UGT1A6: variants seen among roughly 807,000 people sequenced by gnomAD.
UGT1A6 encodes UDP-glucuronosyltransferase 1A6.
A neutral mutation model predicts 44.4 loss-of-function variants in UGT1A6; 32 were observed. The observed-to-expected ratio is 0.72, with a 90% CI of 0.54 to 0.97. The LOEUF is 0.97. Ranked by LOEUF, UGT1A6 falls within the 50% of genes least tolerant of loss-of-function variation. The probability of loss-of-function intolerance (pLI) is 0.00; values close to 1 mark genes in which losing one functional copy is unlikely to be tolerated. For missense variants in UGT1A6, 685 were observed against 661.9 expected (o/e 1.03, Z -0.38); for synonymous variants, 238 against 248.5 (o/e 0.96, Z 0.40).
chr2:233,712,970 G>A, intron 1 of UGT1A6: 1 of 1,613,036 alleles, frequency 6.2e-7, no homozygotes. Flanking sequence ...TGGACAGTCA[G>A]CTGTCGGTGG....
chr2:233,712,511 T>C (rs2013018), intron 1 of UGT1A6, among the ~76,000 whole-genome samples: 15,485 of 152,220 alleles, frequency 0.1, 907 homozygotes, highest in East Asian at 0.2. Context: ...TTGTCTGCAT[T>C]TTGGATGTGC....
Position 233,772,687 on chromosome 2 carries a change from A to G in UGT1A6, c.*128A>G. 2 of 1,493,882 alleles carry G rather than the reference A, an allele frequency of 1.3e-6. No homozygotes were observed. Among genetic ancestry groups the G allele is most frequent in the South Asian group, 2.6e-5 (2 of 76,070 alleles). The allele number at this position is 1,493,882 out of a possible 1,614,324, so 92.5% of individuals were successfully genotyped here. On this transcript the variant is annotated 3_prime_UTR_variant, in exon 5 of 5. Coordinates refer to ENST00000305139, the MANE Select transcript of UGT1A6 (RefSeq NM_001072.4). ...TACTTTGCATAAATTAATCAGCCCC[A>G]GAGTGCTTTAAAAAATTCTCTTAAA...
intron 1 of UGT1A6, among the ~76,000 whole-genome samples, chr2:233,744,817 A>G (rs1304703196): frequency 6.6e-6 from 1 of 151,914 alleles, no homozygotes; most frequent in East Asian, 1.9e-4. Flanking sequence ...TTCCTGGCTC[A>G]TACTTTGAGA....
intron 1 of UGT1A6, among the ~76,000 whole-genome samples, chr2:233,732,755 G>GTTTTT (rs956485327): frequency 8.3e-6 from 1 of 120,224 alleles, no homozygotes; most frequent in African/African-American, 3.0e-5. Flanking sequence ...CACCAGCTTT[G>GTTTTT]TTTTTTTTTT....
At position 233,747,671 on chromosome 2, in the gene UGT1A6, A is replaced by C. The variant is rs1693745926; in HGVS notation, c.862-19363A>C. On this transcript the variant is annotated intron_variant, in intron 1 of 4. Coordinates refer to ENST00000305139, the MANE Select transcript of UGT1A6 (RefSeq NM_001072.4). ...CCTTCGATGTGGTTTTAATAGACCCAATTTACCTCTGTGGGGCAGTGCTGG... is the reference window on the plus strand; with the variant it reads ...CCTTCGATGTGGTTTTAATAGACCCCATTTACCTCTGTGGGGCAGTGCTGG... 13 of 1,604,740 alleles carry C rather than the reference A, an allele frequency of 8.1e-6. No homozygotes were observed. In the South Asian group the frequency reaches 1.4e-4, roughly 18 times the overall value.
intron 1 of UGT1A6, chr2:233,761,003 A>G: frequency 6.2e-7 from 1 of 1,614,128 alleles, no homozygotes. Context: ...GAATTCCTTC[A>G]GAGAGAGGTG....
chr2:233,713,360 C>A lies in UGT1A6; in HGVS notation c.861+19495C>A, dbSNP rs377457908. The stretch of plus-strand genomic sequence containing the variant: ...CAATTATGAACAATATGTCTTTGAT[C>A]ATACATAGGTCTTGTGTGGAGCTAC... On this transcript the variant is annotated intron_variant, in intron 1 of 4. Coordinates refer to ENST00000305139, the MANE Select transcript of UGT1A6 (RefSeq NM_001072.4). 1.3e-5 allele frequency: 21 copies of A among 1,614,044 alleles called. No homozygotes were observed. The African/African-American group carries it at 2.1e-4, about 16-fold the overall frequency.
chr2:233,751,986 T>A (rs1694863386), intron 1 of UGT1A6, among the ~76,000 whole-genome samples: 1 of 152,156 alleles, frequency 6.6e-6, no homozygotes, highest in South Asian at 2.1e-4. Context: ...TGAATCTGCA[T>A]TTATTGAGAA....
chr2:233,748,129 T>C, intron 1 of UGT1A6: 1 of 1,610,122 alleles, frequency 6.2e-7, no homozygotes, highest in Non-Finnish European at 8.5e-7. Flanking sequence ...AAACAGTTTT[T>C]AAAAATTGTA....
At chr2:233,766,541 T>C (rs1699176762) in intron 1 of UGT1A6, among the ~76,000 whole-genome samples, 1 of 152,156 alleles carries the variant, frequency 6.6e-6, no homozygotes, top group Non-Finnish European at 1.5e-5. Context: ...AAAACAAAAA[T>C]GCCTGTCCTC....
At chr2:233,719,030 A>G (rs1559364102) in intron 1 of UGT1A6, 1 of 1,614,246 alleles carries the variant, frequency 6.2e-7, no homozygotes, top group Non-Finnish European at 8.5e-7. Flanking sequence ...TGCACATCAA[A>G]GAAGAGAAAT....
chr2:233,772,778 T>C lies in UGT1A6; in HGVS notation c.*219T>C. The C allele has an allele frequency of 5.4e-6, 7 of 1,295,644 alleles. No individual in the cohort carries two copies. The highest frequency in any genetic ancestry group is 7.1e-6 in the Non-Finnish European group (7 of 982,368). The allele number at this position is 1,295,644 out of a possible 1,614,324, so 80.3% of individuals were successfully genotyped here. On this transcript the variant is annotated 3_prime_UTR_variant, in exon 5 of 5. Coordinates refer to ENST00000305139, the MANE Select transcript of UGT1A6 (RefSeq NM_001072.4). Reference sequence around the variant, plus strand: ...ATGTATCGTGCCCCCTCTGGTGTCTTTGATCAGGATGACATGTGCCATTTT... The same window carrying C: ...ATGTATCGTGCCCCCTCTGGTGTCTCTGATCAGGATGACATGTGCCATTTT...
At position 233,773,098 on chromosome 2, in the gene UGT1A6, G is replaced by T; in HGVS notation, c.*539G>T. 6.4e-6 allele frequency: 1 copy of T among 156,852 alleles called. No homozygotes were observed. The highest frequency in any genetic ancestry group is 6.1e-5 in the Admixed American group (1 of 16,412). 9.7% of individuals were successfully genotyped at this position (156,852 alleles called of 1,614,324 possible). ...AATGGCTTGGAGTGCACTGAGAACA[G>T]CATATGATTTCTTGCTTTGGGGAAA... On this transcript the variant is annotated 3_prime_UTR_variant, in exon 5 of 5. Coordinates refer to ENST00000305139, the MANE Select transcript of UGT1A6 (RefSeq NM_001072.4).
rs756759474 is a variant in UGT1A6, at chr2:233,755,078, G to A, written c.862-11956G>A. ...CCCTCGCCTCGCCATAGCGGTCATA[G>A]ATATCGCGTTTCTACGCGTCCGACA... is the stretch of plus-strand genomic sequence containing the variant. On this transcript the variant is annotated intron_variant, in intron 1 of 4. Coordinates refer to ENST00000305139, the MANE Select transcript of UGT1A6 (RefSeq NM_001072.4). 9 of 1,336,426 alleles carry A rather than the reference G, an allele frequency of 6.7e-6. No individual in the cohort carries two copies. The Admixed American group carries it at 1.1e-4, about 17-fold the overall frequency. 82.8% of individuals were successfully genotyped at this position (1,336,426 alleles called of 1,614,324 possible).
At chr2:233,767,550 T>C (rs2110298) in intron 2 of UGT1A6, among the ~76,000 whole-genome samples, 2,565 of 152,382 alleles carry the variant, frequency 0.017, 61 homozygotes, top group Admixed American at 0.057. Flanking sequence ...CTTATAGTTC[T>C]GCATCCACTT....
chr2:233,701,262 ATT>A (rs924256698), intron 1 of UGT1A6, among the ~76,000 whole-genome samples: 1 of 152,120 alleles, frequency 6.6e-6, no homozygotes, highest in African/African-American at 2.4e-5. Flanking sequence ...GTCAAATGGT[ATT>A]TCTAGTTCTA....
Position 233,772,649 on chromosome 2 carries a change from C to A in UGT1A6, c.*90C>A, listed in dbSNP as rs1644667767. The A allele has an allele frequency of 3.2e-6, 5 of 1,548,118 alleles. No individual in the cohort carries two copies. In the Admixed American group the frequency reaches 5.9e-5, roughly 18 times the overall value. On this transcript the variant is annotated 3_prime_UTR_variant, in exon 5 of 5. Coordinates refer to ENST00000305139, the MANE Select transcript of UGT1A6 (RefSeq NM_001072.4). Reference sequence around the variant, plus strand: ...GAATCAGTGTTAAATTCATTTTATTCTTATTAAGGAAATACTTTGCATAAA... The same window carrying A: ...GAATCAGTGTTAAATTCATTTTATTATTATTAAGGAAATACTTTGCATAAA...
intron 2 of UGT1A6, among the ~76,000 whole-genome samples, chr2:233,767,480 G>T (rs1699402121): frequency 6.6e-6 from 1 of 152,144 alleles, no homozygotes; most frequent in South Asian, 2.1e-4. Flanking sequence ...ATATTAAATA[G>T]AAGTATTTCT....
intron 1 of UGT1A6, chr2:233,713,570 T>C: frequency 6.2e-7 from 1 of 1,613,974 alleles, no homozygotes; most frequent in Non-Finnish European, 8.5e-7. Context: ...CTTCCTCCTA[T>C]ATTCCTAGAT....
Sources: allele counts gnomAD v4.1 joint callset (sites outside exome capture counted in the v4.1 genomes callset), GRCh38; gene constraint gnomAD v4.1.1; transcripts MANE v1.5; gene names NCBI Gene and HGNC (gene_info 2026-07-23, HGNC 2026-07-21).